The following SUCO variants were observed in gnomAD, a reference collection of about 807,000 sequenced individuals.
SUCO encodes the protein SUN domain-containing ossification factor.
Under a neutral mutation model 148.1 loss-of-function variants are expected in SUCO, and 57 were observed. The observed-to-expected ratio is 0.38, with a 90% confidence interval of 0.31 to 0.48. SUCO has a LOEUF of 0.48. Among genes scored for constraint, SUCO ranks in the 20% least tolerant of loss-of-function variants. The pLI, the probability that SUCO is intolerant of heterozygous loss-of-function variation, is 0.96. For synonymous variants in SUCO, 470 were observed against 502.7 expected (o/e 0.93, Z 0.87); for missense variants, 1,331 against 1,468.2 (o/e 0.91, Z 1.53).
rs748334226 is a variant in SUCO, at chr1:172,589,397, C to T, written c.2296C>T (p.Pro766Ser). ...AGGACATATACCATCACCAGTGATT[C>T]CCCAAGAGAGTTCTGTTGAGATCGA... is the stretch of plus-strand genomic sequence containing the variant. Reference protein sequence around the residue: ...EAGHIPSPVIPQESSVEIDNE... With the variant: ...EAGHIPSPVISQESSVEIDNE... Residue 766 changes from proline to serine, a missense_variant, in exon 18 of 24, where the codon CCC (proline) becomes TCC (serine). Coordinates refer to ENST00000263688, the MANE Select transcript of SUCO (RefSeq NM_014283.5). The T allele has an allele frequency of 2.5e-6, 4 of 1,613,672 alleles. No homozygotes were observed. The highest frequency in any genetic ancestry group is 1.1e-5 in the South Asian group (1 of 91,048).
intron 17 of SUCO, among the ~76,000 whole-genome samples, chr1:172,587,428 A>T (rs1314205790): frequency 6.6e-6 from 1 of 152,080 alleles, no homozygotes; most frequent in Admixed American, 6.6e-5. Flanking sequence ...GTATGATGGG[A>T]TATAACATCT....
chr1:172,593,078 C>T (rs1005180585), intron 19 of SUCO, among the ~76,000 whole-genome samples: 1 of 151,124 alleles, frequency 6.6e-6, no homozygotes, highest in African/African-American at 2.4e-5. Flanking sequence ...CTCTGTTTGT[C>T]TGTTATTGGT....
At chr1:172,590,768 AC>A (rs1656596489) in intron 18 of SUCO, among the ~76,000 whole-genome samples, 1 of 152,144 alleles carries the variant, frequency 6.6e-6, no homozygotes. Flanking sequence ...ACCTGCTCTT[AC>A]TTTTCCCTAC....
intron 6 of SUCO, among the ~76,000 whole-genome samples, chr1:172,566,899 G>A (rs1654595850): frequency 6.6e-6 from 1 of 152,192 alleles, no homozygotes; most frequent in Non-Finnish European, 1.5e-5. Flanking sequence ...AATCAATTGA[G>A]TCCTGTCTCC....
At chr1:172,533,783 T>C (rs1651804419) in intron 1 of SUCO, among the ~76,000 whole-genome samples, 1 of 152,162 alleles carries the variant, frequency 6.6e-6, no homozygotes, top group Non-Finnish European at 1.5e-5. Flanking sequence ...CCTCTACCCC[T>C]TGGAGACGGT....
chr1:172,584,728 ATTGC>A (rs944037607), intron 15 of SUCO, among the ~76,000 whole-genome samples: 3 of 152,130 alleles, frequency 2.0e-5, no homozygotes, highest in Admixed American at 1.3e-4. Flanking sequence ...GTGAGCCGAG[ATTGC>A]ACCACTGCAC....
chr1:172,532,566 CT>C (rs1558162739), upstream of SUCO: 1 of 1,613,948 alleles, frequency 6.2e-7, no homozygotes, highest in East Asian at 2.2e-5. Context: ...CTTGGTGCAG[CT>C]TCCCTCACAA....
chr1:172,605,063 TCCGTTATGGATTATAACCC>T (rs1657775147), intron 22 of SUCO, among the ~76,000 whole-genome samples: 1 of 151,824 alleles, frequency 6.6e-6, no homozygotes, highest in Non-Finnish European at 1.5e-5. Context: ...CTTTATAACC[TCCGTTATGGATTATAACCC>T]CCATTAGATA....
chr1:172,610,467 G>A lies in SUCO; in HGVS notation c.*208G>A. ...TTACAAAGCTGATCACTTCCTATAA[G>A]GACAATGGTAGACATTTTATAAAGA... is the stretch of plus-strand genomic sequence containing the variant. On this transcript the variant is annotated 3_prime_UTR_variant, in exon 24 of 24. Transcript: ENST00000263688. 1.6e-6 allele frequency: 1 copy of A among 620,584 alleles called. No homozygotes were observed. The highest frequency in any genetic ancestry group is 2.4e-6 in the Non-Finnish European group (1 of 411,636). The allele number at this position is 620,584 out of a possible 1,614,324, so 38.4% of individuals were successfully genotyped here. A position where few individuals can be genotyped will look rare whatever the true frequency, so the allele number is the denominator to read the frequency against.
chr1:172,593,165 A>T (rs1656801253), intron 19 of SUCO, among the ~76,000 whole-genome samples: 1 of 152,154 alleles, frequency 6.6e-6, no homozygotes, highest in Non-Finnish European at 1.5e-5. Flanking sequence ...CAGCTTAGGG[A>T]GATTTTGGGC....
At chr1:172,573,402 TC>T (rs936843174) in intron 9 of SUCO, among the ~76,000 whole-genome samples, 1 of 151,980 alleles carries the variant, frequency 6.6e-6, no homozygotes, top group African/African-American at 2.4e-5. Flanking sequence ...TAACTTGATT[TC>T]CCCCCCTGCC....
chr1:172,568,528 G>A, intron 6 of SUCO: 2 of 795,672 alleles, frequency 2.5e-6, no homozygotes, highest in Non-Finnish European at 3.0e-6. Flanking sequence ...CTTCTAAAAT[G>A]TAAAGTTTTG....
chr1:172,550,706 T>C (rs1653227053), intron 1 of SUCO: 1 of 162,756 alleles, frequency 6.1e-6, no homozygotes, highest in Non-Finnish European at 1.3e-5. Context: ...TACTGACTTT[T>C]AGTTTTATGT....
At chr1:172,578,181 C>G (rs1370413255) in intron 13 of SUCO, 117 bp from the exon 14 acceptor site, 2 of 745,210 alleles carry the variant, frequency 2.7e-6, no homozygotes, top group African/African-American at 3.5e-5. Flanking sequence ...ATTTTTGAGT[C>G]CAAAAGCCAG....
At chr1:172,572,257 A>G (rs1240075646) in intron 9 of SUCO, among the ~76,000 whole-genome samples, 4 of 151,344 alleles carry the variant, frequency 2.6e-5, no homozygotes, top group Admixed American at 2.6e-4. Context: ...TGGAATAGAA[A>G]GGGGGGAAGG....
Position 172,552,538 on chromosome 1 carries a change from T to C in SUCO, c.178-722T>C, listed in dbSNP as rs536347696. On this transcript the variant is annotated intron_variant, in intron 2 of 23. Transcript: ENST00000263688. ...GTGTGTATCAACACATACTTACAAT[T>C]ACATACTTGAGGGTTTTTTGGGCAT... 10 of 653,172 alleles carry C rather than the reference T, an allele frequency of 1.5e-5. No individual in the cohort carries two copies. The African/African-American group carries it at 1.8e-4, about 12-fold the overall frequency. The allele number at this position is 653,172 out of a possible 1,614,324, so 40.5% of individuals were successfully genotyped here.
chr1:172,537,801 A>G (rs1313740802), intron 1 of SUCO, among the ~76,000 whole-genome samples: 1 of 152,234 alleles, frequency 6.6e-6, no homozygotes, highest in African/African-American at 2.4e-5. Flanking sequence ...ACAGGTACTT[A>G]CAAAGGTTTT....
chr1:172,552,036 A>G (rs1653344065), intron 2 of SUCO: 1 of 152,408 alleles, frequency 6.6e-6, no homozygotes, highest in Admixed American at 6.5e-5. Flanking sequence ...CAGTAAATAT[A>G]AAGACTCCAA....
intron 22 of SUCO, chr1:172,608,525 C>T (rs1176576453): frequency 3.2e-5 from 17 of 533,098 alleles, no homozygotes; most frequent in South Asian, 1.4e-4. Context: ...TATTTGAAGA[C>T]GACCAGTCAA....
Sources: allele counts gnomAD v4.1 joint callset (sites outside exome capture counted in the v4.1 genomes callset), GRCh38; gene constraint gnomAD v4.1.1; transcripts MANE v1.5; gene names NCBI Gene and HGNC (gene_info 2026-07-23, HGNC 2026-07-21).